CHRNA3: variants seen among roughly 807,000 people sequenced by gnomAD.
The protein encoded by CHRNA3 is neuronal acetylcholine receptor subunit alpha-3.
Under a neutral mutation model 41.9 loss-of-function variants are expected in CHRNA3, and 34 were observed. The observed-to-expected ratio is 0.81, with a 90% CI of 0.62 to 1.08. The LOEUF is 1.08. Among genes scored for constraint, CHRNA3 ranks in the 50% least tolerant of loss-of-function variants. CHRNA3 has a pLI of 0.00. For synonymous variants in CHRNA3, 281 were observed against 265.2 expected (o/e 1.06, Z -0.58); for missense variants, 542 against 638.3 (o/e 0.85, Z 1.63).
chr15:78,618,477 T>C (rs936035912), intron 3 of CHRNA3, 140 bp downstream of exon 3: 1 of 904,494 alleles, frequency 1.1e-6, no homozygotes, highest in Non-Finnish European at 1.8e-6. Flanking sequence ...TTAGAAGAGA[T>C]ATATCTGCCA....
chr15:78,617,692 G>A (rs546581810), intron 3 of CHRNA3, among the ~76,000 whole-genome samples: 3 of 152,280 alleles, frequency 2.0e-5, no homozygotes, highest in East Asian at 1.9e-4. Context: ...CAGAGGGAAC[G>A]TGTGCATCAA....
intron 1 of CHRNA3, 55 bp downstream of exon 1, chr15:78,620,658 C>G: frequency 1.3e-6 from 2 of 1,494,096 alleles, no homozygotes; most frequent in Non-Finnish European, 1.8e-6. Flanking sequence ...CCTCCGGACC[C>G]CGCGCCCCTT....
intron 5 of CHRNA3, 102 bp downstream of exon 5, chr15:78,601,151 G>T: frequency 8.5e-7 from 1 of 1,172,156 alleles, no homozygotes; most frequent in East Asian, 2.3e-5. Flanking sequence ...TGACTCCAGA[G>T]GGCAATTTCT....
intron 4 of CHRNA3, among the ~76,000 whole-genome samples, chr15:78,613,448 T>C (rs1174861194): frequency 2.6e-5 from 4 of 151,726 alleles, no homozygotes; most frequent in African/African-American, 7.3e-5. Context: ...GAAACCATCA[T>C]TCTCAGCAAA....
In CHRNA3 at chr15:78,620,754, G is replaced by A. The variant is rs990096617; in HGVS notation, c.41C>T (p.Pro14Leu). The change falls in exon 1 of 6, where the codon CCG becomes CTG. Residue 14 changes from proline to leucine, a missense_variant. Coordinates refer to ENST00000326828, the MANE Select transcript of CHRNA3 (RefSeq NM_000743.5). ...GPLSLPLALS[P>L]PRLLLLLLLS... ...CAGCAGCAGCAGCAGCAGCCGCGGC[G>A]GCGACAGCGCCAGGGGCAGCGAGAG... 4.7e-6 allele frequency: 7 copies of A among 1,498,550 alleles called. No homozygotes were observed. The African/African-American group carries it at 1.0e-4, about 22-fold the overall frequency. The allele number at this position is 1,498,550 out of a possible 1,614,324, so 92.8% of individuals were successfully genotyped here.
intron 2 of CHRNA3, 41 bp from the exon 3 acceptor site, chr15:78,618,702 A>G (rs2053502905): frequency 3.1e-6 from 5 of 1,611,192 alleles, no homozygotes; most frequent in Non-Finnish European, 4.2e-6. Flanking sequence ...ATTACAAAAC[A>G]AGACTAATTC....
At chr15:78,619,180 G>A in intron 1 of CHRNA3, 1 of 526,686 alleles carries the variant, frequency 1.9e-6, no homozygotes, top group East Asian at 3.3e-5. Context: ...CAGATCTGGT[G>A]CAAATCCTGA....
At chr15:78,616,508 A>T (rs1291483441) in intron 4 of CHRNA3, among the ~76,000 whole-genome samples, 1 of 152,000 alleles carries the variant, frequency 6.6e-6, no homozygotes, top group Non-Finnish European at 1.5e-5. Flanking sequence ...CGTTTACTCC[A>T]TTCCTGTCTG....
At chr15:78,602,583 G>T (rs2053223046) in intron 4 of CHRNA3, among the ~76,000 whole-genome samples, 1 of 152,204 alleles carries the variant, frequency 6.6e-6, no homozygotes, top group Non-Finnish European at 1.5e-5. Context: ...TTTAATTAAA[G>T]AAATGGGAGG....
chr15:78,595,305 G>A (rs200640459), downstream of CHRNA3: 34 of 985,084 alleles, frequency 3.5e-5, no homozygotes, highest in Admixed American at 6.2e-5. Flanking sequence ...GAGTCACAGC[G>A]GGCTGCAATT....
At chr15:78,614,772 A>G (rs931071081) in intron 4 of CHRNA3, among the ~76,000 whole-genome samples, 5 of 152,232 alleles carry the variant, frequency 3.3e-5, no homozygotes, top group Admixed American at 3.3e-4. Context: ...TACAAAAATG[A>G]TATTCTTCAA....
At chr15:78,618,378 A>G in intron 3 of CHRNA3, 1 of 553,010 alleles carries the variant, frequency 1.8e-6, no homozygotes, top group Non-Finnish European at 3.2e-6. Context: ...GTCTTTCTCC[A>G]GGCTGCAACC....
chr15:78,593,067 T>G (rs1053394384), downstream of CHRNA3: 1 of 1,595,352 alleles, frequency 6.3e-7, no homozygotes, highest in Non-Finnish European at 8.5e-7. Context: ...AATTATTTAA[T>G]GCATTTTTAT....
At chr15:78,608,366 C>A (rs561161476) in intron 4 of CHRNA3, among the ~76,000 whole-genome samples, 1 of 152,188 alleles carries the variant, frequency 6.6e-6, no homozygotes, top group Non-Finnish European at 1.5e-5. Context: ...TGATACAAAA[C>A]TTCCAGAGGA....
At chr15:78,619,912 G>C (rs1387204025) in intron 1 of CHRNA3, 3 of 152,346 alleles carry the variant, frequency 2.0e-5, no homozygotes, top group African/African-American at 7.2e-5. Flanking sequence ...GGTCGGTTGA[G>C]AGCGTATGGC....
chr15:78,618,752 C>A, intron 2 of CHRNA3, 24 bp downstream of exon 2: 1 of 1,614,056 alleles, frequency 6.2e-7, no homozygotes, highest in Non-Finnish European at 8.5e-7. Flanking sequence ...CCCATGGCCA[C>A]GGCTCGTGGC....
At chr15:78,615,402 G>A (rs539389359) in intron 4 of CHRNA3, among the ~76,000 whole-genome samples, 3 of 152,178 alleles carry the variant, frequency 2.0e-5, no homozygotes, top group South Asian at 2.1e-4. Context: ...TCGGCCTCCT[G>A]CATCCACTGC....
chr15:78,601,908 G>C lies in CHRNA3; in HGVS notation c.734C>G (p.Thr245Ser). 2 of 1,613,954 alleles carry C rather than the reference G, an allele frequency of 1.2e-6. No homozygotes were observed. The highest frequency in any genetic ancestry group is 1.7e-6 in the Non-Finnish European group (2 of 1,179,902). The change falls in exon 5 of 6, where the codon ACC becomes AGC. Residue 245 changes from threonine to serine, a missense_variant. Transcript: ENST00000326828. ...CAGGCAGGGGATGATGAGGTTGATG[G>C]TGTAGAACAAGGGCAGGCGCCGGAT... The part of the protein sequence containing the change: ...LYIRRLPLFY[T>S]INLIIPCLLI...
chr15:78,617,121 A>C lies in CHRNA3; in HGVS notation c.280T>G (p.Tyr94Asp), dbSNP rs1157033811. 1 of 1,610,492 alleles carries C rather than the reference A, an allele frequency of 6.2e-7. No individual in the cohort carries two copies. The highest frequency in any genetic ancestry group is 8.5e-7 in the Non-Finnish European group (1 of 1,176,954). Residue 94 changes from tyrosine to aspartate, a missense_variant, in exon 4 of 6, where the codon TAC (tyrosine) becomes GAC (aspartate). By Grantham distance (160) the Tyr-to-Asp change is radical (BLOSUM62 -3). Transcript: ENST00000326828. ...NLWLKQIWNDYKLKWNPSDYG... is the reference protein window; with the variant it reads ...NLWLKQIWNDDKLKWNPSDYG... ...TCAGAGGGGTTCCATTTCAGCTTGT[A>C]GTCATTCCAGATCTCGGGGAAGGAA...
Sources: gnomAD v4.1 joint callset for allele counts (sites outside exome capture counted in the v4.1 genomes callset) on GRCh38, gnomAD v4.1.1 for gene constraint, MANE v1.5 for transcripts, NCBI Gene and HGNC (gene_info 2026-07-23, HGNC 2026-07-21) for gene names.